Variants in NLRP11 observed in about 807,000 individuals in gnomAD.
The protein encoded by NLRP11 is NLR family pyrin domain containing 11.
NLRP11 carries 53 observed loss-of-function variants against 79.3 expected under a neutral mutation model. That is an observed-to-expected ratio of 0.67 (90% CI 0.54 to 0.84). The LOEUF is 0.84. NLRP11 is among the 40% of genes least tolerant of loss of function. The pLI is 0.00. For missense variants in NLRP11, 1,264 were observed against 1,255.0 expected (o/e 1.01, Z -0.11); for synonymous variants, 518 against 462.6 (o/e 1.12, Z -1.54).
chr19:55,800,230 G>C (rs1979345208), intron 5 of NLRP11, among the ~76,000 whole-genome samples: 1 of 152,192 alleles, frequency 6.6e-6, no homozygotes, highest in African/African-American at 2.4e-5. Flanking sequence ...TAGAGCTACT[G>C]AGCACTCAAA....
chr19:55,822,122 A>G (rs183474877), intron 1 of NLRP11, among the ~76,000 whole-genome samples: 1 of 152,192 alleles, frequency 6.6e-6, no homozygotes, highest in Non-Finnish European at 1.5e-5. Flanking sequence ...TTAGGCAAGC[A>G]TGGTGGTGGT....
At position 55,788,847 on chromosome 19, in the gene NLRP11, C is replaced by T. The variant is rs1990062211; in HGVS notation, c.2815G>A (p.Glu939Lys). The change falls in exon 9 of 10, where the codon GAG becomes AAG. Residue 939 changes from glutamate (E) to lysine (K), a missense_variant. Glu to Lys is a moderately conservative substitution (Grantham distance 56). Transcript: ENST00000589093. The stretch of plus-strand genomic sequence containing the variant: ...ACACAATCTGGGCTGATCAAGCTCT[C>T]AAGAAGTTTTGCAACTCCATCATTG... The T allele has an allele frequency of 2.5e-6, 4 of 1,604,934 alleles. No individual in the cohort carries two copies. In the South Asian group the frequency reaches 3.3e-5, roughly 13 times the overall value.
chr19:55,807,798 A>T, intron 4 of NLRP11, 55 bp downstream of exon 4: 1 of 1,240,420 alleles, frequency 8.1e-7, no homozygotes, highest in Non-Finnish European at 1.1e-6. Context: ...AGAAAGAAAA[A>T]GACCACCGTT....
chr19:55,817,458 A>AACAC (rs34098302), intron 2 of NLRP11, among the ~76,000 whole-genome samples: 16 of 150,978 alleles, frequency 1.1e-4, no homozygotes, highest in Non-Finnish European at 1.3e-4. Context: ...AGAAATTATG[A>AACAC]ACACACACAC....
At chr19:55,807,934 A>G in exon 4 of NLRP11, 1 of 1,611,754 alleles carries the variant, frequency 6.2e-7, no homozygotes, top group South Asian at 1.1e-5. Context: ...GTCATTGTCA[A>G]AGATATGCAG....
At chr19:55,788,649 A>T (rs1307345141) in intron 9 of NLRP11, among the ~76,000 whole-genome samples, 158 bp downstream of exon 9, 3 of 144,850 alleles carry the variant, frequency 2.1e-5, no homozygotes, top group African/African-American at 7.7e-5. Flanking sequence ...CTGAGGAAGG[A>T]GAATCGCTTG....
chr19:55,821,237 ACACACACACACAC>A (rs141604806), intron 1 of NLRP11, among the ~76,000 whole-genome samples: 8,026 of 125,424 alleles, frequency 0.064, 289 homozygotes, highest in African/African-American at 0.15. Context: ...ACACACACAC[ACACACACACACAC>A]CCCAAGCACT....
At chr19:55,806,649 G>C (rs1980022271) in intron 4 of NLRP11, among the ~76,000 whole-genome samples, 2 of 152,136 alleles carry the variant, frequency 1.3e-5, no homozygotes, top group African/African-American at 4.8e-5. Context: ...TATCCAGAAT[G>C]AGCTTCTTAA....
At chr19:55,829,281 A>G (rs1207835998) in intron 1 of NLRP11, among the ~76,000 whole-genome samples, 1 of 152,048 alleles carries the variant, frequency 6.6e-6, no homozygotes, top group Non-Finnish European at 1.5e-5. Context: ...CATCCTATAC[A>G]ATAGTATAAA....
At chr19:55,785,510 C>A (rs1327926541) in exon 10 of NLRP11, 9 of 843,874 alleles carry the variant, frequency 1.1e-5, no homozygotes, top group Admixed American at 7.7e-5. Flanking sequence ...CACACACACA[C>A]ACACACACAC....
rs777907040 is a variant in NLRP11, at chr19:55,801,628, CAT to C, written c.2113_2114del (p.Met705ValfsTer6). The C allele has an allele frequency of 1.2e-5, 19 of 1,613,988 alleles. No individual in the cohort carries two copies. In the African/African-American group the frequency reaches 1.6e-4, roughly 14 times the overall value. The stretch of plus-strand genomic sequence containing the variant: ...GCAGGATGTCATGCAGAAGTGAAAA[CAT>C]ATTTAGGGAAATGGACGTACAGTTG... On this transcript the variant is annotated frameshift_variant, in exon 5 of 10. Coordinates refer to ENST00000589093, the Ensembl canonical transcript of NLRP11. LOFTEE classifies it high-confidence loss of function.
At chr19:55,804,103 T>C (rs1385240181) in intron 4 of NLRP11, among the ~76,000 whole-genome samples, 1 of 147,848 alleles carries the variant, frequency 6.8e-6, no homozygotes, top group Non-Finnish European at 1.5e-5. Flanking sequence ...TATGTATATA[T>C]ATATATGTGT....
At position 55,818,028 on chromosome 19, in the gene NLRP11, T is replaced by C. The variant is rs114117210; in HGVS notation, c.147A>G (p.Lys49=). 3.0e-4 allele frequency: 481 copies of C among 1,614,170 alleles called. 1 individual carries two copies. The highest frequency in any genetic ancestry group is 2.3e-3 in the Middle Eastern group (14 of 6,062). The change falls in exon 2 of 10, where the codon AAA becomes AAG. Residue 49 remains lysine, a synonymous_variant. Coordinates refer to ENST00000589093, the Ensembl canonical transcript of NLRP11. ...TTGGCAACACGTTAGCCAGTTCTTCTTTTGTCATCTGTATCAGTGGAAACT... is the reference window on the plus strand; with the variant it reads ...TTGGCAACACGTTAGCCAGTTCTTCCTTTGTCATCTGTATCAGTGGAAACT...
intron 5 of NLRP11, among the ~76,000 whole-genome samples, chr19:55,799,410 A>G (rs933396444): frequency 2.0e-5 from 3 of 152,238 alleles, no homozygotes; most frequent in Non-Finnish European, 4.4e-5. Flanking sequence ...GGGGTATAGA[A>G]AAGACATTTA....
At chr19:55,817,820 G>GGAAAAA (rs1555803816) in intron 2 of NLRP11, 84 bp downstream of exon 2, 28,654 of 826,346 alleles carry the variant, frequency 0.035, 808 homozygotes, top group African/African-American at 0.14. Context: ...AACCTATTTA[G>GGAAAAA]AAAAAAAAAA....
At chr19:55,810,544 T>TG (rs1331526234) in intron 2 of NLRP11, among the ~76,000 whole-genome samples, 1 of 152,236 alleles carries the variant, frequency 6.6e-6, no homozygotes, top group Non-Finnish European at 1.5e-5. Context: ...TTGCACAGGC[T>TG]GGAGTGCAGT....
At chr19:55,799,961 CTG>C in intron 5 of NLRP11, among the ~76,000 whole-genome samples, 1 of 152,160 alleles carries the variant, frequency 6.6e-6, no homozygotes, top group East Asian at 1.9e-4. Flanking sequence ...GAGTGAAACT[CTG>C]TCTCAAAACA....
At chr19:55,819,150 C>G (rs1471406876) in intron 1 of NLRP11, among the ~76,000 whole-genome samples, 2,154 of 118,070 alleles carry the variant, frequency 0.018, 41 homozygotes, top group African/African-American at 0.051. Flanking sequence ...CACACACACA[C>G]ACACACACAC....
At chr19:55,819,049 G>A (rs927057276) in intron 1 of NLRP11, among the ~76,000 whole-genome samples, 1 of 151,504 alleles carries the variant, frequency 6.6e-6, no homozygotes, top group Non-Finnish European at 1.5e-5. Context: ...GGGTCAAGAT[G>A]ACTGCAAGGT....
Sources: gnomAD v4.1 joint callset for allele counts (sites outside exome capture counted in the v4.1 genomes callset) on GRCh38, gnomAD v4.1.1 for gene constraint, MANE v1.5 for transcripts, NCBI Gene and HGNC (gene_info 2026-07-23, HGNC 2026-07-21) for gene names.